Variants in SEMA6D observed in about 807,000 individuals in gnomAD.
SEMA6D encodes the protein semaphorin-6D.
Under a neutral mutation model 106.6 loss-of-function variants are expected in SEMA6D, and 35 were observed. The ratio of observed to expected loss-of-function variants is 0.33; its 90% confidence interval spans 0.25 to 0.44. The LOEUF is 0.44. Among genes scored for constraint, SEMA6D ranks in the 20% least tolerant of loss-of-function variants. SEMA6D has a pLI of 1.00. For synonymous variants in SEMA6D, 499 were observed against 487.7 expected, an observed-to-expected ratio of 1.02 and a Z score of -0.31; for missense variants, 1,185 against 1,345.9, an observed-to-expected ratio of 0.88 and a Z score of 1.87.
chr15:47,682,349 A>G (rs1307443788), intron 4 of SEMA6D, among the ~76,000 whole-genome samples: 1 of 152,030 alleles, frequency 6.6e-6, no homozygotes, highest in African/African-American at 2.4e-5. Flanking sequence ...TTGTATTTGT[A>G]GTAGAGACGG....
chr15:47,315,678 C>G (rs2036640670), intron 1 of SEMA6D, among the ~76,000 whole-genome samples: 1 of 152,170 alleles, frequency 6.6e-6, no homozygotes, highest in African/African-American at 2.4e-5. Context: ...ATCTGTAGAT[C>G]AAGTTGGGAA....
intron 4 of SEMA6D, among the ~76,000 whole-genome samples, chr15:47,621,449 C>T (rs536074357): frequency 1.4e-4 from 22 of 152,182 alleles, no homozygotes; most frequent in African/African-American, 5.3e-4. Context: ...TGATGACTCA[C>T]TTTAGATCTT....
chr15:47,763,613 A>G (rs2082178360), intron 9 of SEMA6D, among the ~76,000 whole-genome samples: 2 of 152,204 alleles, frequency 1.3e-5, no homozygotes, highest in Non-Finnish European at 2.9e-5. Context: ...AGCAAGGCAG[A>G]TAGACAGCTC....
intron 18 of SEMA6D, among the ~76,000 whole-genome samples, chr15:47,769,324 A>T (rs958353528): frequency 6.6e-6 from 1 of 152,214 alleles, no homozygotes; most frequent in Admixed American, 6.5e-5. Flanking sequence ...TAGGAAAAAA[A>T]AATCTATTCT....
At chr15:47,366,346 A>C (rs1183780706) in intron 1 of SEMA6D, among the ~76,000 whole-genome samples, 1 of 152,196 alleles carries the variant, frequency 6.6e-6, no homozygotes, top group Non-Finnish European at 1.5e-5. Context: ...TACAGTGTGA[A>C]CCTGCAAAGC....
chr15:47,351,366 ATCG>A (rs1431074165), intron 1 of SEMA6D, among the ~76,000 whole-genome samples: 8 of 152,308 alleles, frequency 5.3e-5, no homozygotes, highest in African/African-American at 1.7e-4. Context: ...AGTTTAGTGC[ATCG>A]TCTCATTTTG....
At chr15:47,406,722 C>G (rs1010594612) in intron 1 of SEMA6D, among the ~76,000 whole-genome samples, 1 of 147,808 alleles carries the variant, frequency 6.8e-6, no homozygotes, top group African/African-American at 2.5e-5. Flanking sequence ...CGTTATTAAT[C>G]ATGTGTTGTA....
At position 47,768,938 on chromosome 15, in the gene SEMA6D, G is replaced by A. The variant is rs532438187; in HGVS notation, c.1933+190G>A. Among the ~76,000 whole-genome samples, 164 of 152,266 alleles carry A rather than the reference G, an allele frequency of 1.1e-3. 1 individual carries two copies. The highest frequency in any genetic ancestry group is 2.0e-3 in the Non-Finnish European group (133 of 68,020). On this transcript the variant is annotated intron_variant, in intron 18 of 18. Coordinates refer to ENST00000536845, the MANE Select transcript of SEMA6D (RefSeq NM_001358351.3). ...GTGCATTCCTTAAAAGATAAAAGAGGTGGAAAGCTGTTGGAGAAAAGGCTG... is the reference window on the plus strand; with the variant it reads ...GTGCATTCCTTAAAAGATAAAAGAGATGGAAAGCTGTTGGAGAAAAGGCTG...
intron 1 of SEMA6D, among the ~76,000 whole-genome samples, chr15:47,197,857 TA>T (rs1894467370): frequency 6.6e-6 from 1 of 152,178 alleles, no homozygotes; most frequent in African/African-American, 2.4e-5. Context: ...TTATATTTCT[TA>T]TTTTTTTTAC....
intron 2 of SEMA6D, among the ~76,000 whole-genome samples, chr15:47,422,172 G>GCCTTCCTTCCTT (rs1335219700): frequency 6.2e-5 from 5 of 80,430 alleles, no homozygotes; most frequent in African/African-American, 1.8e-4. Flanking sequence ...TTGCCCGCCC[G>GCCTTCCTTCCTT]CCTGCCTGCC....
intron 1 of SEMA6D, among the ~76,000 whole-genome samples, chr15:47,724,125 A>G (rs569445527): frequency 7.9e-5 from 12 of 152,250 alleles, no homozygotes; most frequent in Non-Finnish European, 1.6e-4. Flanking sequence ...TTTATTTATC[A>G]GTAAGTCTTC....
rs187059408 is a variant in SEMA6D at position 47,545,707 on chromosome 15, C to T, written c.-86-55158C>T. ...ATATATGCGTTTCCCTCATGTATTT[C>T]GTGAAAGAGCTAGGTGGAAAATAAT... On this transcript the variant is annotated intron_variant, in intron 3 of 19. Coordinates refer to the SEMA6D transcript ENST00000558014. 5.3e-5 allele frequency among the ~76,000 whole-genome samples: 8 copies of T among 152,140 alleles called. No individual in the cohort carries two copies. The East Asian group carries it at 7.7e-4, about 15-fold the overall frequency.
intron 4 of SEMA6D, among the ~76,000 whole-genome samples, chr15:47,619,544 G>A (rs1486342264): frequency 6.6e-6 from 1 of 152,196 alleles, no homozygotes; most frequent in Admixed American, 6.5e-5. Context: ...GTTCCTTAAA[G>A]TGTGGCCTAC....
intron 1 of SEMA6D, among the ~76,000 whole-genome samples, chr15:47,354,199 CTATATATA>C (rs58550689): frequency 0.023 from 1,652 of 70,320 alleles, 38 homozygotes; most frequent in African/African-American, 0.049. Flanking sequence ...CTCTCTCTCT[CTATATATA>C]TATATATATA....
intron 3 of SEMA6D, among the ~76,000 whole-genome samples, chr15:47,575,196 C>T (rs557651736): frequency 2.1e-4 from 32 of 152,344 alleles, no homozygotes; most frequent in African/African-American, 7.7e-4. Flanking sequence ...CACTCTGTCT[C>T]TTAATTCTTT....
intron 1 of SEMA6D, among the ~76,000 whole-genome samples, chr15:47,407,387 A>AAG (rs397935139): frequency 3.0e-5 from 4 of 135,216 alleles, no homozygotes; most frequent in Non-Finnish European, 6.4e-5. Flanking sequence ...AAAAAAAAAA[A>AAG]CCAAAACAAC....
At chr15:47,516,190 T>C (rs1248097998) in intron 3 of SEMA6D, among the ~76,000 whole-genome samples, 1 of 152,176 alleles carries the variant, frequency 6.6e-6, no homozygotes. Flanking sequence ...CGGATTAATT[T>C]TATAGCCATG....
intron 1 of SEMA6D, chr15:47,274,700 A>G (rs1026664325): frequency 2.0e-5 from 3 of 152,160 alleles, no homozygotes; most frequent in East Asian, 1.9e-4. Flanking sequence ...TGTTGCCTTC[A>G]CTCTCTGCCT....
intron 1 of SEMA6D, among the ~76,000 whole-genome samples, chr15:47,337,314 G>A (rs1028986471): frequency 2.0e-5 from 3 of 152,212 alleles, no homozygotes; most frequent in Non-Finnish European, 2.9e-5. Context: ...CAATAAAAAC[G>A]GTTTTGTTTA....
Sources: gnomAD v4.1 joint callset for allele counts (sites outside exome capture counted in the v4.1 genomes callset) on GRCh38, gnomAD v4.1.1 for gene constraint, MANE v1.5 for transcripts, NCBI Gene and HGNC (gene_info 2026-07-23, HGNC 2026-07-21) for gene names.